The following EYA4 variants were observed in gnomAD, a reference collection of about 807,000 sequenced individuals.
EYA4 encodes EYA transcriptional coactivator and phosphatase 4.
EYA4 carries 31 observed loss-of-function variants against 87.9 expected under a neutral mutation model. The observed-to-expected ratio is 0.35, with a 90% CI of 0.27 to 0.48. The LOEUF (loss-of-function observed/expected upper bound fraction) is 0.48. EYA4 is among the 20% of genes least tolerant of loss of function. The pLI, the probability that EYA4 is intolerant of heterozygous loss-of-function variation, is 0.99. For synonymous variants in EYA4, 263 were observed against 270.6 expected, an observed-to-expected ratio of 0.97 and a Z score of 0.28; for missense variants, 678 against 761.4, an observed-to-expected ratio of 0.89 and a Z score of 1.29.
At chr6:133,376,775 T>A (rs1329161227) in intron 2 of EYA4, among the ~76,000 whole-genome samples, 4 of 152,068 alleles carry the variant, frequency 2.6e-5, no homozygotes, top group African/African-American at 9.7e-5. Flanking sequence ...TTTCTACATA[T>A]ATTTTCCAGA....
At chr6:133,341,407 G>A (rs1485427588) in intron 2 of EYA4, among the ~76,000 whole-genome samples, 5 of 152,120 alleles carry the variant, frequency 3.3e-5, no homozygotes, top group South Asian at 2.1e-4. Context: ...TTGTAGGTAC[G>A]CAGGAATAAA....
intron 2 of EYA4, among the ~76,000 whole-genome samples, chr6:133,380,635 G>T (rs1427854835): frequency 1.3e-5 from 2 of 152,070 alleles, no homozygotes; most frequent in Admixed American, 1.3e-4. Context: ...TAGTTTTTTG[G>T]TGATAAATCA....
chr6:133,479,260 G>A (rs1250473602), intron 11 of EYA4, among the ~76,000 whole-genome samples: 2 of 152,112 alleles, frequency 1.3e-5, no homozygotes, highest in Admixed American at 1.3e-4. Flanking sequence ...CAAATAAGGT[G>A]AAACATGATT....
intron 3 of EYA4, among the ~76,000 whole-genome samples, chr6:133,404,673 C>G (rs1192542396): frequency 6.6e-6 from 1 of 152,150 alleles, no homozygotes; most frequent in Non-Finnish European, 1.5e-5. Context: ...TTTTCTAACA[C>G]AAAACATTTG....
chr6:133,381,613 T>G (rs903129034), intron 2 of EYA4, among the ~76,000 whole-genome samples: 9 of 152,156 alleles, frequency 5.9e-5, no homozygotes, highest in African/African-American at 2.2e-4. Context: ...TAAATGTATA[T>G]TGTACATTTT....
At chr6:133,441,786 G>GCAGGTAATCAGAATGAGTCAGGGTGGAA in intron 3 of EYA4, among the ~76,000 whole-genome samples, 2 of 152,020 alleles carry the variant, frequency 1.3e-5, no homozygotes, top group Non-Finnish European at 2.9e-5. Flanking sequence ...TCAGGGTGGA[G>GCAGGTAATCAGAATGAGTCAGGGTGGAA]CAGGTAATCA....
Position 133,348,758 on chromosome 6 carries a change from T to A in EYA4, c.34-33634T>A, listed in dbSNP as rs370674988. ...AACCAGAATTTAATAAATTTCTACA[T>A]CTTTATTGCTACCAACCTAGCTCAG... On this transcript the variant is annotated intron_variant, in intron 2 of 19. Transcript: ENST00000355286. Among the ~76,000 whole-genome samples, 7 of 152,238 alleles carry A rather than the reference T, an allele frequency of 4.6e-5. 1 individual carries two copies. Among genetic ancestry groups the A allele is most frequent in the Admixed American group, 6.5e-5 (1 of 15,282 alleles).
chr6:133,510,453 C>A, intron 14 of EYA4: 1 of 355,710 alleles, frequency 2.8e-6, no homozygotes, highest in Non-Finnish European at 5.6e-6. Context: ...TTTAGAACTA[C>A]TTTGGTGCCT....
chr6:133,331,276 T>C (rs906885285), intron 2 of EYA4, among the ~76,000 whole-genome samples: 2 of 152,148 alleles, frequency 1.3e-5, no homozygotes, highest in African/African-American at 4.8e-5. Flanking sequence ...TTGTGAAATA[T>C]CAGAAATCTT....
Position 133,529,109 on chromosome 6 carries a change from C to G in EYA4, c.*304C>G, listed in dbSNP as rs780007229. On this transcript the variant is annotated 3_prime_UTR_variant, in exon 20 of 20. Transcript: ENST00000355286. The stretch of plus-strand genomic sequence containing the variant: ...GAGCAGCTTTAGCAAAGAACTCTTA[C>G]CCTGGCAAAGCAGCAACACACATGC... 4.4e-6 allele frequency: 2 copies of G among 450,258 alleles called. No individual in the cohort carries two copies. Among genetic ancestry groups the G allele is most frequent in the Non-Finnish European group, 5.5e-6 (2 of 363,712 alleles). 27.9% of individuals were successfully genotyped at this position (450,258 alleles called of 1,614,324 possible).
chr6:133,394,720 T>C (rs1787641173), intron 3 of EYA4, among the ~76,000 whole-genome samples: 1 of 152,222 alleles, frequency 6.6e-6, no homozygotes, highest in Non-Finnish European at 1.5e-5. Flanking sequence ...CACTGTATTA[T>C]GTGAATTTAA....
intron 17 of EYA4, 45 bp downstream of exon 17, chr6:133,515,480 T>C (rs754337378): frequency 9.1e-7 from 1 of 1,101,342 alleles, no homozygotes; most frequent in Non-Finnish European, 1.4e-6. Flanking sequence ...ATTGAAGATT[T>C]AGTTCTAATT....
At chr6:133,294,872 C>T (rs867583089) in intron 2 of EYA4, among the ~76,000 whole-genome samples, 5 of 152,136 alleles carry the variant, frequency 3.3e-5, no homozygotes, top group African/African-American at 1.2e-4. Context: ...CAAGCCACCA[C>T]AGCCGGCCAA....
chr6:133,303,994 G>C (rs928495173), intron 2 of EYA4, among the ~76,000 whole-genome samples: 2 of 152,124 alleles, frequency 1.3e-5, no homozygotes, highest in Non-Finnish European at 2.9e-5. Context: ...AGCCGTTCCT[G>C]GAGTCTAATG....
At chr6:133,269,397 T>C (rs540150199) in intron 1 of EYA4, among the ~76,000 whole-genome samples, 1 of 152,350 alleles carries the variant, frequency 6.6e-6, no homozygotes, top group East Asian at 1.9e-4. Flanking sequence ...AAATGATGCT[T>C]TCCTAGTTTT....
intron 2 of EYA4, among the ~76,000 whole-genome samples, chr6:133,348,268 T>TG (rs1783357020): frequency 8.2e-6 from 1 of 121,928 alleles, no homozygotes; most frequent in African/African-American, 3.2e-5. Flanking sequence ...GTAGTTTTTT[T>TG]TTTTTTTTTT....
intron 2 of EYA4, among the ~76,000 whole-genome samples, chr6:133,278,630 G>A (rs762765148): frequency 6.6e-6 from 1 of 151,990 alleles, no homozygotes; most frequent in African/African-American, 2.4e-5. Context: ...ATTTATATTC[G>A]ACTCACTTAA....
intron 1 of EYA4, among the ~76,000 whole-genome samples, chr6:133,242,087 G>C (rs1239040856): frequency 2.0e-5 from 3 of 152,242 alleles, no homozygotes; most frequent in African/African-American, 7.2e-5. Flanking sequence ...CAGCAGTCCA[G>C]CGCGCGGCTT....
chr6:133,297,283 C>T (rs1779015837), intron 2 of EYA4, among the ~76,000 whole-genome samples: 1 of 152,078 alleles, frequency 6.6e-6, no homozygotes, highest in Non-Finnish European at 1.5e-5. Flanking sequence ...ACTTGGAAAC[C>T]CTATCATCTG....
Sources: allele counts gnomAD v4.1 joint callset (sites outside exome capture counted in the v4.1 genomes callset), GRCh38; gene constraint gnomAD v4.1.1; transcripts MANE v1.5; gene names NCBI Gene and HGNC (gene_info 2026-07-23, HGNC 2026-07-21).